Variants in C2orf66 observed in about 807,000 individuals in gnomAD.
C2orf66 encodes uncharacterized protein C2orf66.
C2orf66 carries 6 observed loss-of-function variants against 7.0 expected under a neutral mutation model. That is an observed-to-expected ratio of 0.86 (90% CI 0.47 to 1.69). The LOEUF is 1.69. C2orf66 is among the 40% of genes most tolerant of loss of function. C2orf66 has a pLI of 0.01. For missense variants in C2orf66, 107 were observed against 112.0 expected (o/e 0.96, Z 0.20); for synonymous variants, 38 against 43.8 (o/e 0.87, Z 0.52).
chr2:196,807,007 A>T (rs1299097440), intron 2 of C2orf66, among the ~76,000 whole-genome samples: 1 of 152,202 alleles, frequency 6.6e-6, no homozygotes, highest in African/African-American at 2.4e-5. Flanking sequence ...TTATCCCCCA[A>T]AGAACCATAC....
Position 196,807,553 on chromosome 2 carries a change from G to C in C2orf66, c.193C>G (p.Pro65Ala). Residue 65 changes from proline (P) to alanine (A), a missense_variant, in exon 2 of 3, where the codon CCC (proline) becomes GCC (alanine). Transcript: ENST00000342506. Reference sequence around the variant, plus strand: ...AGAGGTCTAGGATTTTCATTCGTGGGGAAAGGATTTGGAAATGTTCCAAGA... The same window carrying C: ...AGAGGTCTAGGATTTTCATTCGTGGCGAAAGGATTTGGAAATGTTCCAAGA... ...LDLGTFPNPF[P>A]TNENPRPLSF... The C allele has an allele frequency of 6.2e-7, 1 of 1,613,668 alleles. No individual in the cohort carries two copies. Among genetic ancestry groups the C allele is most frequent in the Non-Finnish European group, 8.5e-7 (1 of 1,179,762 alleles).
chr2:196,829,726 T>A, the C2orf66 span, among the ~76,000 whole-genome samples: 5 of 149,768 alleles, frequency 3.3e-5, no homozygotes. Context: ...TGAAACCCCG[T>A]CTCTACTAAA....
At chr2:196,825,222 C>CAAA in the C2orf66 span, among the ~76,000 whole-genome samples, 160 of 54,270 alleles carry the variant, frequency 2.9e-3, 1 homozygote, top group African/African-American at 9.6e-3. Flanking sequence ...GACTCTGTCT[C>CAAA]AAAAAAAAAA....
Position 196,807,590 on chromosome 2 carries a change from G to C in C2orf66, c.156C>G (p.Gly52=). Residue 52 remains glycine, a synonymous_variant, in exon 2 of 3, where the codon GGC becomes GGG. Transcript: ENST00000342506. ...GAAATGTTCCAAGATCAAGACCTCT[G>C]CCCTTAAAATATGCCTGAAGCCTTC... ...FFRRLQAYFK[G]RGLDLGTFPN... is the part of the protein sequence containing the mutation. 1 of 1,613,286 alleles carries C rather than the reference G, an allele frequency of 6.2e-7. No homozygotes were observed. The highest frequency in any genetic ancestry group is 8.5e-7 in the Non-Finnish European group (1 of 1,179,772).
At chr2:196,805,527 A>C (rs938947461) in intron 2 of C2orf66, 119 bp from the exon 3 acceptor site, 8 of 152,136 alleles carry the variant, frequency 5.3e-5, no homozygotes, top group African/African-American at 1.9e-4. Context: ...TTCTCACCAG[A>C]GATGTAAGGA....
At chr2:196,829,626 A>ACG in the C2orf66 span, among the ~76,000 whole-genome samples, 1 of 151,666 alleles carries the variant, frequency 6.6e-6, no homozygotes, top group Non-Finnish European at 1.5e-5. Context: ...GGCCGGGTGC[A>ACG]GTGGCTCACA....
upstream of C2orf66, among the ~76,000 whole-genome samples, chr2:196,812,131 A>C (rs1258468977): frequency 1.3e-5 from 2 of 152,210 alleles, no homozygotes; most frequent in Non-Finnish European, 2.9e-5. Context: ...AGTTGTTAAA[A>C]TATGAGAGAC....
rs1401804266 is a variant in C2orf66 at position 196,805,065 on chromosome 2, G to A, written c.*363C>T. 4 of 151,946 alleles carry A rather than the reference G, an allele frequency of 2.6e-5. No homozygotes were observed. The highest frequency in any genetic ancestry group is 4.8e-5 in the African/African-American group (2 of 41,368). The allele number at this position is 151,946 out of a possible 1,614,324, so 9.4% of individuals were successfully genotyped here. ...GTCCCTTTAAAAAAATATATTGGTC[G>A]ATAAAAGATAATAAACATAAAAGAC... is the stretch of plus-strand genomic sequence containing the variant. On this transcript the variant is annotated 3_prime_UTR_variant, in exon 3 of 3. Transcript: ENST00000342506.
the C2orf66 span, chr2:196,832,030 T>C: frequency 2.0e-5 from 3 of 152,106 alleles, no homozygotes; most frequent in African/African-American, 7.2e-5. Context: ...AAATTTTTTC[T>C]CACGTCAGAA....
At chr2:196,809,413 A>G (rs766848254), upstream of C2orf66, 1 of 1,586,874 alleles carries the variant, frequency 6.3e-7, no homozygotes, top group Non-Finnish European at 8.6e-7. Context: ...GGGAAGAGAG[A>G]GAGAAAGAGG....
At chr2:196,809,438 G>A (rs756900388), upstream of C2orf66, 7 of 1,505,342 alleles carry the variant, frequency 4.7e-6, no homozygotes, top group South Asian at 3.6e-5. Flanking sequence ...ATCTGTAAAG[G>A]CAGACAAGGA....
upstream of C2orf66, among the ~76,000 whole-genome samples, chr2:196,811,368 G>A (rs555207722): frequency 2.0e-5 from 3 of 152,366 alleles, no homozygotes; most frequent in Admixed American, 6.5e-5. Context: ...CGCAAAGCCA[G>A]TTAGGTGGTT....
At chr2:196,826,815 G>A in the C2orf66 span, among the ~76,000 whole-genome samples, 1 of 151,996 alleles carries the variant, frequency 6.6e-6, no homozygotes, top group African/African-American at 2.4e-5. Flanking sequence ...GGCAGATCAC[G>A]AGGTCAGGAG....
At chr2:196,808,642 C>T (rs941991550) in intron 1 of C2orf66, among the ~76,000 whole-genome samples, 3 of 152,162 alleles carry the variant, frequency 2.0e-5, no homozygotes, top group African/African-American at 7.2e-5. Context: ...TTTAGAAAAA[C>T]CATATTTCAA....
chr2:196,807,685 T>TCA, intron 1 of C2orf66, 63 bp from the exon 2 acceptor site: 3 of 1,355,464 alleles, frequency 2.2e-6, no homozygotes, highest in Non-Finnish European at 3.1e-6. Flanking sequence ...TAAAGGTGTT[T>TCA]TTCTTCCCTC....
chr2:196,824,823 G>A, the C2orf66 span, among the ~76,000 whole-genome samples: 2 of 152,140 alleles, frequency 1.3e-5, no homozygotes, highest in African/African-American at 4.8e-5. Flanking sequence ...ACAAAGTGAA[G>A]AGACAACCTA....
chr2:196,823,774 G>A, the C2orf66 span, among the ~76,000 whole-genome samples: 1 of 152,176 alleles, frequency 6.6e-6, no homozygotes, highest in Non-Finnish European at 1.5e-5. Flanking sequence ...TATCATTCTT[G>A]AGAACCTACT....
chr2:196,827,752 A>G, the C2orf66 span, among the ~76,000 whole-genome samples: 2 of 152,308 alleles, frequency 1.3e-5, 1 homozygote, highest in South Asian at 4.1e-4. Context: ...GAATCGTGCA[A>G]AATATTAAAT....
chr2:196,817,212 T>C, the C2orf66 span, among the ~76,000 whole-genome samples: 10 of 149,140 alleles, frequency 6.7e-5, no homozygotes, highest in Middle Eastern at 3.2e-3. Flanking sequence ...TGTTCAGCAG[T>C]GCAAGTGCAA....
Sources: allele counts gnomAD v4.1 joint callset (sites outside exome capture counted in the v4.1 genomes callset), GRCh38; gene constraint gnomAD v4.1.1; transcripts MANE v1.5; gene names NCBI Gene and HGNC (gene_info 2026-07-23, HGNC 2026-07-21).